Variants in WDPCP observed in about 807,000 individuals in gnomAD.
WDPCP encodes WD repeat containing planar cell polarity effector.
In WDPCP, 71 loss-of-function variants were observed where a neutral mutation model predicts 93.1. That is an observed-to-expected ratio of 0.76 (90% CI 0.63 to 0.93). The LOEUF is 0.93. Ranked by LOEUF, WDPCP falls within the 40% of genes least tolerant of loss-of-function variation. WDPCP has a pLI of 0.00. For missense variants in WDPCP, 844 were observed against 887.4 expected (o/e 0.95, Z 0.62); for synonymous variants, 315 against 315.0 (o/e 1.00, Z 0.00).
intron 12 of WDPCP, among the ~76,000 whole-genome samples, chr2:63,345,342 T>C (rs182118323): frequency 1.3e-5 from 2 of 152,194 alleles, no homozygotes; most frequent in African/African-American, 4.8e-5. Flanking sequence ...CATAAGGCAC[T>C]TTAGTTGGGC....
At chr2:63,406,797 A>G (rs551734836) in intron 9 of WDPCP, among the ~76,000 whole-genome samples, 2 of 152,244 alleles carry the variant, frequency 1.3e-5, no homozygotes, top group South Asian at 4.1e-4. Context: ...CCTTTCCTCC[A>G]TGTACAGGGT....
chr2:63,325,586 C>T (rs571731786), intron 12 of WDPCP, among the ~76,000 whole-genome samples: 3 of 152,188 alleles, frequency 2.0e-5, no homozygotes, highest in African/African-American at 4.8e-5. Flanking sequence ...CGTTACCGTC[C>T]GAGAAATCCT....
intron 17 of WDPCP, among the ~76,000 whole-genome samples, chr2:63,132,695 C>G (rs1670367905): frequency 6.6e-6 from 1 of 151,818 alleles, no homozygotes; most frequent in South Asian, 2.1e-4. Context: ...CTGGTTGGTT[C>G]TTTTAATAAT....
chr2:63,385,834 A>G (rs1692686961), intron 10 of WDPCP, among the ~76,000 whole-genome samples: 1 of 152,050 alleles, frequency 6.6e-6, no homozygotes, highest in South Asian at 2.1e-4. Flanking sequence ...GACTAACAGT[A>G]CCTGATTTCA....
At chr2:63,395,275 G>C (rs1399763557) in intron 10 of WDPCP, among the ~76,000 whole-genome samples, 3 of 152,114 alleles carry the variant, frequency 2.0e-5, no homozygotes, top group African/African-American at 7.2e-5. Flanking sequence ...AAGTGCAGTT[G>C]TGTTACATAG....
chr2:63,216,733 TAAATA>T (rs1234158251), intron 14 of WDPCP, among the ~76,000 whole-genome samples: 1 of 151,240 alleles, frequency 6.6e-6, no homozygotes, highest in Non-Finnish European at 1.5e-5. Context: ...TAAAAAAAAA[TAAATA>T]AAATAGTTAA....
intron 14 of WDPCP, among the ~76,000 whole-genome samples, chr2:63,240,322 T>A (rs1241496827): frequency 1.3e-5 from 2 of 151,984 alleles, no homozygotes; most frequent in Non-Finnish European, 2.9e-5. Flanking sequence ...GGGCTGCAGG[T>A]GCGTGCCACC....
At chr2:63,472,646 T>C (rs1699761946) in intron 6 of WDPCP, among the ~76,000 whole-genome samples, 1 of 152,168 alleles carries the variant, frequency 6.6e-6, no homozygotes, top group Non-Finnish European at 1.5e-5. Context: ...TGGAGTACAG[T>C]AGTGCGATCT....
At chr2:63,515,452 C>T (rs763384465) in intron 1 of WDPCP, among the ~76,000 whole-genome samples, 1 of 152,144 alleles carries the variant, frequency 6.6e-6, no homozygotes, top group Non-Finnish European at 1.5e-5. Flanking sequence ...AGGTTGAATG[C>T]TGTTACAAAG....
chr2:63,143,415 C>T (rs1321574427), intron 17 of WDPCP, among the ~76,000 whole-genome samples: 1 of 152,172 alleles, frequency 6.6e-6, no homozygotes, highest in Non-Finnish European at 1.5e-5. Context: ...AGGCCATTTA[C>T]ATTCAATGTT....
At chr2:63,290,920 G>C (rs1684373810) in intron 13 of WDPCP, among the ~76,000 whole-genome samples, 1 of 152,022 alleles carries the variant, frequency 6.6e-6, no homozygotes, top group Admixed American at 6.5e-5. Context: ...GTGTGCCTAG[G>C]TATTGATTTC....
At chr2:63,136,180 A>G (rs981713190) in intron 17 of WDPCP, among the ~76,000 whole-genome samples, 1 of 152,148 alleles carries the variant, frequency 6.6e-6, no homozygotes, top group African/African-American at 2.4e-5. Flanking sequence ...CTCTCTCTCT[A>G]TATATATTCC....
intron 2 of WDPCP, among the ~76,000 whole-genome samples, chr2:63,795,940 T>A (rs1384271370): frequency 6.6e-6 from 1 of 152,212 alleles, no homozygotes; most frequent in Non-Finnish European, 1.5e-5. Flanking sequence ...TCAGGAGAGA[T>A]TGGTCTCTCC....
intron 6 of WDPCP, among the ~76,000 whole-genome samples, chr2:63,476,662 C>T (rs1279143877): frequency 6.6e-6 from 1 of 152,088 alleles, no homozygotes; most frequent in Non-Finnish European, 1.5e-5. Flanking sequence ...GTTCTTCCCA[C>T]AATGGTTGAA....
intron 2 of WDPCP, among the ~76,000 whole-genome samples, chr2:63,723,289 TAA>T (rs369400703): frequency 3.1e-4 from 43 of 138,146 alleles, no homozygotes; most frequent in African/African-American, 6.9e-4. Flanking sequence ...AATAAAAAAT[TAA>T]AAAAAAAAAA....
intron 14 of WDPCP, among the ~76,000 whole-genome samples, chr2:63,248,599 C>A (rs1052374492): frequency 5.3e-5 from 8 of 152,054 alleles, no homozygotes; most frequent in Non-Finnish European, 1.0e-4. Flanking sequence ...GTCATTATTT[C>A]TTCACATAAT....
chr2:63,313,874 A>ATGTGTGTGTGTG (rs766720950), intron 12 of WDPCP, among the ~76,000 whole-genome samples: 2 of 22,588 alleles, frequency 8.9e-5, no homozygotes, highest in East Asian at 5.7e-4. Flanking sequence ...ATATATATAT[A>ATGTGTGTGTGTG]TATATATATA....
intron 1 of WDPCP, among the ~76,000 whole-genome samples, chr2:63,563,553 G>C (rs1015031485): frequency 6.6e-6 from 1 of 151,960 alleles, no homozygotes; most frequent in Non-Finnish European, 1.5e-5. Flanking sequence ...TGCAGGGAGG[G>C]AGAAATGGGG....
At chr2:63,200,353 G>T (rs760648513) in intron 14 of WDPCP, among the ~76,000 whole-genome samples, 3 of 152,188 alleles carry the variant, frequency 2.0e-5, no homozygotes, top group Non-Finnish European at 4.4e-5. Flanking sequence ...CTACTCAAAA[G>T]AAGGTATATT....
Sources: allele counts gnomAD v4.1 joint callset (sites outside exome capture counted in the v4.1 genomes callset), GRCh38; gene constraint gnomAD v4.1.1; transcripts MANE v1.5; gene names NCBI Gene and HGNC (gene_info 2026-07-23, HGNC 2026-07-21).